Variants in TM9SF2 observed in about 807,000 individuals in gnomAD.
The protein encoded by TM9SF2 is transmembrane 9 superfamily member 2.
A neutral mutation model predicts 84.9 loss-of-function variants in TM9SF2; 13 were observed. The ratio of observed to expected loss-of-function variants is 0.15; its 90% CI spans 0.10 to 0.24. The LOEUF (loss-of-function observed/expected upper bound fraction) is 0.24. Among genes scored for constraint, TM9SF2 ranks in the 10% least tolerant of loss-of-function variants. The pLI is 1.00. For missense variants in TM9SF2, 562 were observed against 818.5 expected (o/e 0.69, Z 3.82); for synonymous variants, 273 against 285.8 (o/e 0.96, Z 0.45).
At chr13:99,553,835 C>G (rs1222359540) in intron 13 of TM9SF2, among the ~76,000 whole-genome samples, 1 of 152,142 alleles carries the variant, frequency 6.6e-6, no homozygotes, top group African/African-American at 2.4e-5. Flanking sequence ...TACAGCCATT[C>G]ATTGTTGTTT....
chr13:99,539,550 G>C lies in TM9SF2; in HGVS notation c.821G>C (p.Ser274Thr), dbSNP rs1401463023. ...AAAATTGCCTATACTTACTCTGTTAGCTTCGAGGTGAGTCTGTTGTTATCT... is the reference window on the plus strand; with the variant it reads ...AAAATTGCCTATACTTACTCTGTTACCTTCGAGGTGAGTCTGTTGTTATCT... ...EIKIAYTYSVSFEEDDKIRWA... is the reference protein window; with the variant it reads ...EIKIAYTYSVTFEEDDKIRWA... The change falls in exon 7 of 17, where the codon AGC (serine) becomes ACC (threonine). Residue 274 changes from serine to threonine, a missense_variant. This residue lies in a region of TM9SF2 where 219 missense variants were observed against 338.1 expected (regional missense o/e 0.65). Transcript: ENST00000376387. 1 of 1,585,692 alleles carries C rather than the reference G, an allele frequency of 6.3e-7. No homozygotes were observed. The highest frequency in any genetic ancestry group is 8.7e-7 in the Non-Finnish European group (1 of 1,154,266).
At chr13:99,510,119 C>T (rs142993382) in intron 1 of TM9SF2, among the ~76,000 whole-genome samples, 69 of 152,326 alleles carry the variant, frequency 4.5e-4, no homozygotes, top group African/African-American at 1.6e-3. Flanking sequence ...TTTGCTGAGA[C>T]GTAACACGTG....
At chr13:99,534,466 A>G (rs534917296) in intron 4 of TM9SF2, among the ~76,000 whole-genome samples, 78 of 152,288 alleles carry the variant, frequency 5.1e-4, no homozygotes, top group Admixed American at 4.6e-3. Context: ...ACTCTATTAA[A>G]TCTTGCAACT....
chr13:99,542,828 G>A (rs1164015021), intron 9 of TM9SF2, among the ~76,000 whole-genome samples: 2 of 152,090 alleles, frequency 1.3e-5, no homozygotes, highest in East Asian at 3.9e-4. Context: ...GTGGAACCAG[G>A]CCAGTGGTGA....
chr13:99,522,248 T>C (rs2046164082), intron 3 of TM9SF2, among the ~76,000 whole-genome samples: 1 of 152,222 alleles, frequency 6.6e-6, no homozygotes, highest in Admixed American at 6.5e-5. Flanking sequence ...CTCAAACTCT[T>C]GACCTCAGGT....
At chr13:99,531,363 C>T (rs2046208379) in intron 4 of TM9SF2, among the ~76,000 whole-genome samples, 1 of 152,082 alleles carries the variant, frequency 6.6e-6, no homozygotes, top group African/African-American at 2.4e-5. Flanking sequence ...GGATATTTGT[C>T]CTGTCAGTAT....
chr13:99,503,272 C>T (rs1012209451), intron 1 of TM9SF2, among the ~76,000 whole-genome samples: 1 of 151,940 alleles, frequency 6.6e-6, no homozygotes, highest in Admixed American at 6.5e-5. Flanking sequence ...TATTTCCTGC[C>T]CTCTGGGAAC....
chr13:99,518,730 G>A (rs2046145627), intron 2 of TM9SF2, among the ~76,000 whole-genome samples: 1 of 150,992 alleles, frequency 6.6e-6, no homozygotes, highest in African/African-American at 2.4e-5. Flanking sequence ...CTGAATAGCT[G>A]GGACTACAGG....
intron 4 of TM9SF2, among the ~76,000 whole-genome samples, chr13:99,530,912 G>A (rs1281243526): frequency 6.6e-6 from 1 of 151,334 alleles, no homozygotes; most frequent in Admixed American, 6.6e-5. Context: ...CCAGACTGGA[G>A]TGCTGTGGCG....
chr13:99,528,956 G>T (rs746982714), intron 3 of TM9SF2, among the ~76,000 whole-genome samples: 1 of 152,122 alleles, frequency 6.6e-6, no homozygotes, highest in African/African-American at 2.4e-5. Flanking sequence ...CAGCCTTCTG[G>T]AGTCATGTTT....
In TM9SF2 at chr13:99,520,143, GT is replaced by G. The variant is rs1412375580; in HGVS notation, c.333+16del. ...TCACCATATAAGGTTTGTATTTAGTGTTACATAATAATTATTTACTTACAGC... is the reference window on the plus strand; with the variant it reads ...TCACCATATAAGGTTTGTATTTAGTGTACATAATAATTATTTACTTACAGC... On this transcript the variant is annotated intron_variant, in intron 3 of 16. Coordinates refer to ENST00000376387, the MANE Select transcript of TM9SF2 (RefSeq NM_004800.3). 1 of 1,582,734 alleles carries G rather than the reference GT, an allele frequency of 6.3e-7. No individual in the cohort carries two copies. Among genetic ancestry groups the G allele is most frequent in the Non-Finnish European group, 8.6e-7 (1 of 1,163,866 alleles).
At chr13:99,524,272 A>G (rs1353980467) in intron 3 of TM9SF2, among the ~76,000 whole-genome samples, 2 of 152,110 alleles carry the variant, frequency 1.3e-5, no homozygotes, top group African/African-American at 4.8e-5. Context: ...TCCCTCATCT[A>G]AATATGATCT....
At chr13:99,513,593 C>T (rs1160424750) in intron 1 of TM9SF2, among the ~76,000 whole-genome samples, 1 of 144,886 alleles carries the variant, frequency 6.9e-6, no homozygotes. Context: ...TGTGTTCGAC[C>T]CTCTGAGATT....
intron 3 of TM9SF2, among the ~76,000 whole-genome samples, chr13:99,526,863 G>C (rs1400193067): frequency 2.0e-5 from 3 of 152,096 alleles, no homozygotes; most frequent in Non-Finnish European, 4.4e-5. Context: ...AGGAGTAGGG[G>C]CGGTGTGGTC....
rs551273830 is a variant in TM9SF2 at position 99,525,834 on chromosome 13, C to T, written c.334-3633C>T. On this transcript the variant is annotated intron_variant, in intron 3 of 16. Coordinates refer to ENST00000376387, the MANE Select transcript of TM9SF2 (RefSeq NM_004800.3). ...CCTCCCAAAGTGCTGGGATTACAGG[C>T]GTGAGCCACCGCGCCCGGCCAGGAG... Among the ~76,000 whole-genome samples, 10 of 152,248 alleles carry T rather than the reference C, an allele frequency of 6.6e-5. No individual in the cohort carries two copies. In the South Asian group the frequency reaches 1.2e-3, roughly 19 times the overall value.
Position 99,543,622 on chromosome 13 carries a change from A to G in TM9SF2, c.1018-241A>G, listed in dbSNP as rs528470273. 6.6e-5 allele frequency among the ~76,000 whole-genome samples: 10 copies of G among 152,334 alleles called. No homozygotes were observed. The South Asian group carries it at 1.4e-3, about 22-fold the overall frequency. ...CACATTGTCTTTGTAAAGTTTCTCA[A>G]TAAGTATATTTGTAGACCTTAATGT... On this transcript the variant is annotated intron_variant, in intron 9 of 16. Coordinates refer to ENST00000376387, the MANE Select transcript of TM9SF2 (RefSeq NM_004800.3).
chr13:99,534,533 T>C (rs2046225345), intron 4 of TM9SF2, among the ~76,000 whole-genome samples: 1 of 152,236 alleles, frequency 6.6e-6, no homozygotes, highest in African/African-American at 2.4e-5. Context: ...CTTTCTTTGC[T>C]TTGGGCTGTA....
At chr13:99,550,254 C>A (rs1305251441) in intron 12 of TM9SF2, among the ~76,000 whole-genome samples, 2 of 152,128 alleles carry the variant, frequency 1.3e-5, no homozygotes, top group Admixed American at 6.5e-5. Context: ...CATCTCATTT[C>A]TTTTCTATTC....
At position 99,552,353 on chromosome 13, in the gene TM9SF2, A is replaced by C. The variant is rs9585126; in HGVS notation, c.1488+27A>C. 629 of 1,598,864 alleles carry C rather than the reference A, an allele frequency of 3.9e-4. 3 individuals are homozygous for C. In the African/African-American group the frequency reaches 7.6e-3, roughly 19 times the overall value. On this transcript the variant is annotated intron_variant, in intron 13 of 16. Transcript: ENST00000376387. ...TAAGTTTATAGGTGTTAACTTATTC[A>C]GGTGAATTTTAGCTGCAGAAATTAG...
Sources: gnomAD v4.1 joint callset for allele counts (sites outside exome capture counted in the v4.1 genomes callset) on GRCh38, gnomAD v4.1.1 for gene constraint, gnomAD v4.1.1 regional missense constraint, MANE v1.5 for transcripts, NCBI Gene and HGNC (gene_info 2026-07-23, HGNC 2026-07-21) for gene names.